Variants in RSPH10B2 observed in about 807,000 individuals in gnomAD.
RSPH10B2 encodes radial spoke head 10 homolog B2 (Chlamydomonas).
A neutral mutation model predicts 49.0 loss-of-function variants in RSPH10B2; 9 were observed. That is an observed-to-expected ratio of 0.18 (90% CI 0.11 to 0.32). The LOEUF is 0.32. Ranked by LOEUF, RSPH10B2 falls within the 10% of genes least tolerant of loss-of-function variation. The pLI is 1.00. For synonymous variants in RSPH10B2, 35 were observed against 210.2 expected (o/e 0.17, Z 7.21); for missense variants, 95 against 589.9 (o/e 0.16, Z 8.69).
upstream of RSPH10B2, among the ~76,000 whole-genome samples, chr7:6,756,271 A>AAAATAAATAAATAAATAAAT (rs202239780): frequency 9.5e-4 from 114 of 120,474 alleles, no homozygotes; most frequent in African/African-American, 3.5e-3. Flanking sequence ...CTCCGTCTCA[A>AAAATAAATAAATAAATAAAT]AAATAAATAA....
chr7:6,782,267 C>T (rs969365985), intron 13 of RSPH10B2, among the ~76,000 whole-genome samples: 1 of 145,778 alleles, frequency 6.9e-6, no homozygotes, highest in Non-Finnish European at 1.5e-5. Flanking sequence ...AAGATAGGGC[C>T]GAGTACAGCG....
chr7:6,768,256 G>A (rs200040721), intron 6 of RSPH10B2, among the ~76,000 whole-genome samples: 23,912 of 141,692 alleles, frequency 0.17, 28 homozygotes, highest in Admixed American at 0.24. Flanking sequence ...GATCAAGCCA[G>A]GCACTTTATG....
At chr7:6,767,997 G>C (rs1781510112) in intron 6 of RSPH10B2, among the ~76,000 whole-genome samples, 1 of 147,416 alleles carries the variant, frequency 6.8e-6, no homozygotes, top group South Asian at 2.2e-4. Flanking sequence ...TTTGAGACCA[G>C]CCTGGGTGAT....
chr7:6,796,228 C>T lies in RSPH10B2; in HGVS notation c.2234-340C>T, dbSNP rs1161738949. The stretch of plus-strand genomic sequence containing the variant: ...ACTCGGGAGGCTGAGGCATGAGAAT[C>T]ACTTGAACCCAGGAGGTGGAGGTTG... On this transcript the variant is annotated intron_variant, in intron 17 of 18. Coordinates refer to ENST00000297186, the Ensembl canonical transcript of RSPH10B2. Among the ~76,000 whole-genome samples, 2 of 114,258 alleles carry T rather than the reference C, an allele frequency of 1.8e-5. 1 individual carries two copies. Among genetic ancestry groups the T allele is most frequent in the Non-Finnish European group, 3.7e-5 (2 of 54,226 alleles). The allele number at this position is 114,258 out of a possible 152,430, so 75.0% of individuals were successfully genotyped here.
At chr7:6,764,424 C>A (rs1223376614) in intron 4 of RSPH10B2, among the ~76,000 whole-genome samples, 3 of 151,062 alleles carry the variant, frequency 2.0e-5, no homozygotes, top group Non-Finnish European at 4.4e-5. Context: ...GCAATGGTGC[C>A]ATCTCAGCTC....
At chr7:6,766,633 T>C in intron 5 of RSPH10B2, 124 bp from the exon 8 acceptor site, 1 of 121,582 alleles carries the variant, frequency 8.2e-6, no homozygotes, top group Non-Finnish European at 1.5e-5. Flanking sequence ...ACAGAGAAGA[T>C]TGTATAAGTA....
At chr7:6,782,816 G>A (rs1320210612) in intron 13 of RSPH10B2, among the ~76,000 whole-genome samples, 1 of 116,434 alleles carries the variant, frequency 8.6e-6, no homozygotes, top group Non-Finnish European at 1.8e-5. Flanking sequence ...CTGGGAGGCC[G>A]AGGTTGCAAT....
At chr7:6,758,521 C>T (rs1280379380) in intron 1 of RSPH10B2, among the ~76,000 whole-genome samples, 11 of 127,282 alleles carry the variant, frequency 8.6e-5, no homozygotes, top group African/African-American at 1.8e-4. Context: ...GCATTAAGTA[C>T]GTTCATAGTG....
rs555512244 is a variant in RSPH10B2, at chr7:6,781,869, A to AT, written c.1758+393_1758+394insT. On this transcript the variant is annotated intron_variant, in intron 13 of 18. Transcript: ENST00000297186. ...TATGCCATGGGCCATTGTCTTAAAAAATATATATATATATAAATATATATA... is the reference window on the plus strand; with the variant it reads ...TATGCCATGGGCCATTGTCTTAAAAATATATATATATATATAAATATATATA... Among the ~76,000 whole-genome samples the AT allele has an allele frequency of 6.4e-4, 63 of 99,086 alleles. 9 individuals carry two copies. In the Middle Eastern group the frequency reaches 0.015, roughly 23 times the overall value. The allele number at this position is 99,086 out of a possible 152,430, so 65.0% of individuals were successfully genotyped here.
chr7:6,786,446 G>A (rs1283670124), intron 14 of RSPH10B2, among the ~76,000 whole-genome samples: 5 of 112,102 alleles, frequency 4.5e-5, no homozygotes, highest in Non-Finnish European at 8.7e-5. Context: ...CACCTGCCTC[G>A]GCCTCCCAAA....
intron 11 of RSPH10B2, among the ~76,000 whole-genome samples, chr7:6,780,115 G>A (rs1781878876): frequency 9.1e-6 from 1 of 110,238 alleles, no homozygotes; most frequent in African/African-American, 3.3e-5. Context: ...GAGCCACCAT[G>A]CCCAGCCTCA....
intron 13 of RSPH10B2, among the ~76,000 whole-genome samples, chr7:6,784,695 A>G (rs1403315746): frequency 7.7e-6 from 1 of 130,040 alleles, no homozygotes; most frequent in Non-Finnish European, 1.6e-5. Context: ...CCTCCCGAGT[A>G]GCTGGGACTA....
exon 12 of RSPH10B2, chr7:6,780,831 T>C (rs1351467984): frequency 2.0e-6 from 3 of 1,500,068 alleles, no homozygotes; most frequent in Admixed American, 2.0e-5. Context: ...ATCCCTCTTC[T>C]TGTGTTTTAC....
chr7:6,766,982 A>AC, intron 6 of RSPH10B2, 105 bp downstream of exon 8: 1 of 1,166,094 alleles, frequency 8.6e-7, no homozygotes, highest in Non-Finnish European at 1.1e-6. Flanking sequence ...TTGTTTTGAG[A>AC]CAGAGTCTCT....
intron 17 of RSPH10B2, among the ~76,000 whole-genome samples, chr7:6,793,844 A>C (rs1782447631): frequency 6.7e-6 from 1 of 149,994 alleles, no homozygotes; most frequent in Non-Finnish European, 1.5e-5. Context: ...TCCATATCAA[A>C]AAAAAAAAAA....
chr7:6,784,849 A>G (rs957988338), intron 13 of RSPH10B2, among the ~76,000 whole-genome samples: 6 of 91,008 alleles, frequency 6.6e-5, no homozygotes, highest in African/African-American at 2.6e-4. Context: ...TACAGGTGTG[A>G]GCCACCGCGC....
At position 6,782,182 on chromosome 7, in the gene RSPH10B2, G is replaced by A. The variant is rs1324863798; in HGVS notation, c.1758+706G>A. ...ACCCGCCTCAGCCTCCCTAAGTGCC[G>A]GAATTACAGGTGTGAGACACTGTGC... On this transcript the variant is annotated intron_variant, in intron 13 of 18. Coordinates refer to ENST00000297186, the Ensembl canonical transcript of RSPH10B2. Among the ~76,000 whole-genome samples the A allele has an allele frequency of 5.7e-5, 8 of 140,218 alleles. No individual in the cohort carries two copies. The South Asian group carries it at 1.1e-3, about 19-fold the overall frequency. The allele number at this position is 140,218 out of a possible 152,430, so 92.0% of individuals were successfully genotyped here.
intron 1 of RSPH10B2, among the ~76,000 whole-genome samples, chr7:6,758,612 A>G (rs1240801102): frequency 2.3e-5 from 3 of 130,054 alleles, no homozygotes; most frequent in Non-Finnish European, 5.0e-5. Flanking sequence ...TGGGAGGCTG[A>G]GGCGGGCAGA....
At chr7:6,796,243 G>A (rs1234567830) in intron 17 of RSPH10B2, among the ~76,000 whole-genome samples, 1 of 118,660 alleles carries the variant, frequency 8.4e-6, no homozygotes, top group Non-Finnish European at 1.8e-5. Flanking sequence ...GAACCCAGGA[G>A]GTGGAGGTTG....
Sources: gnomAD v4.1 joint callset for allele counts (sites outside exome capture counted in the v4.1 genomes callset) on GRCh38, gnomAD v4.1.1 for gene constraint, MANE v1.5 for transcripts, NCBI Gene and HGNC (gene_info 2026-07-23, HGNC 2026-07-21) for gene names.